PPARGC1A: variants seen among roughly 807,000 people sequenced by gnomAD.
PPARGC1A encodes the protein peroxisome proliferator-activated receptor gamma coactivator 1-alpha.
In PPARGC1A, 25 loss-of-function variants were observed where a neutral mutation model predicts 88.7. That is an observed-to-expected ratio of 0.28 (90% confidence interval 0.21 to 0.39). PPARGC1A has a LOEUF of 0.39. Among genes scored for constraint, PPARGC1A ranks in the 10% least tolerant of loss-of-function variants. The pLI, the probability that PPARGC1A is intolerant of heterozygous loss-of-function variation, is 1.00. For synonymous variants in PPARGC1A, 363 were observed against 355.6 expected (o/e 1.02, Z -0.24); for missense variants, 880 against 968.7 (o/e 0.91, Z 1.22).
the PPARGC1A span, among the ~76,000 whole-genome samples, chr4:24,265,247 C>G: frequency 1.0e-3 from 157 of 152,226 alleles, 1 homozygote; most frequent in Non-Finnish European, 2.1e-4. Context: ...TTTGTGCACA[C>G]CAAGAAAGCC....
the PPARGC1A span, among the ~76,000 whole-genome samples, chr4:23,961,465 G>T: frequency 6.6e-6 from 1 of 152,138 alleles, no homozygotes; most frequent in Non-Finnish European, 1.5e-5. Context: ...CATCGCCCCT[G>T]CTTCCCTGCA....
At chr4:24,304,610 G>C in the PPARGC1A span, among the ~76,000 whole-genome samples, 2 of 152,124 alleles carry the variant, frequency 1.3e-5, no homozygotes, top group African/African-American at 4.8e-5. Flanking sequence ...CTCTCCATCA[G>C]ACCTCCAAAT....
the PPARGC1A span, among the ~76,000 whole-genome samples, chr4:24,166,313 A>T: frequency 6.6e-6 from 1 of 152,260 alleles, no homozygotes; most frequent in South Asian, 2.1e-4. Context: ...TCCATAATGT[A>T]AGTGCAAAGT....
chr4:24,364,277 C>A, the PPARGC1A span, among the ~76,000 whole-genome samples: 1 of 152,142 alleles, frequency 6.6e-6, no homozygotes, highest in East Asian at 1.9e-4. Flanking sequence ...TTTCTGTGGG[C>A]AATTATGCCG....
chr4:23,966,567 T>G, the PPARGC1A span, among the ~76,000 whole-genome samples: 3 of 152,290 alleles, frequency 2.0e-5, no homozygotes, highest in Non-Finnish European at 4.4e-5. Context: ...CACTGATTAC[T>G]TTCTCACCCA....
the PPARGC1A span, among the ~76,000 whole-genome samples, chr4:24,201,688 A>G: frequency 1.3e-3 from 205 of 152,318 alleles, 2 homozygotes; most frequent in African/African-American, 4.1e-3. Flanking sequence ...TAGAAAAACA[A>G]AAGTACACAT....
intron 2 of PPARGC1A, among the ~76,000 whole-genome samples, chr4:23,856,300 T>C (rs181485447): frequency 1.3e-5 from 2 of 152,162 alleles, no homozygotes; most frequent in Admixed American, 6.5e-5. Context: ...TTTTTTGAGG[T>C]GTAGGCCACT....
intron 7 of PPARGC1A, among the ~76,000 whole-genome samples, chr4:23,818,672 A>AT (rs1722413052): frequency 6.6e-6 from 1 of 151,532 alleles, no homozygotes; most frequent in African/African-American, 2.4e-5. Flanking sequence ...CAGCCCTTTT[A>AT]TTTAAAAAAA....
At chr4:24,171,552 C>T in the PPARGC1A span, among the ~76,000 whole-genome samples, 63 of 152,190 alleles carry the variant, frequency 4.1e-4, no homozygotes, top group African/African-American at 1.2e-3. Context: ...CTCTAGAGAA[C>T]GGACTCCATG....
At chr4:23,943,594 G>T in the PPARGC1A span, among the ~76,000 whole-genome samples, 2 of 152,118 alleles carry the variant, frequency 1.3e-5, no homozygotes, top group Admixed American at 1.3e-4. Flanking sequence ...ATGTGGACAT[G>T]CAATCATGCT....
the PPARGC1A span, among the ~76,000 whole-genome samples, chr4:24,022,030 T>A: frequency 6.6e-6 from 1 of 151,556 alleles, no homozygotes; most frequent in Non-Finnish European, 1.5e-5. Flanking sequence ...AGGCGAGGAG[T>A]GGCCAGTGCT....
At chr4:24,011,858 G>A in the PPARGC1A span, among the ~76,000 whole-genome samples, 21 of 152,122 alleles carry the variant, frequency 1.4e-4, no homozygotes, top group Non-Finnish European at 3.1e-4. Context: ...GGAGGTTACT[G>A]GTTTATGAAG....
chr4:23,943,645 G>C, the PPARGC1A span, among the ~76,000 whole-genome samples: 1 of 152,158 alleles, frequency 6.6e-6, no homozygotes, highest in African/African-American at 2.4e-5. Flanking sequence ...CAACCCTTAA[G>C]TGTGAGCTGT....
chr4:24,399,395 C>T, the PPARGC1A span, among the ~76,000 whole-genome samples: 1 of 152,072 alleles, frequency 6.6e-6, no homozygotes, highest in Non-Finnish European at 1.5e-5. Flanking sequence ...TGAACCTATC[C>T]CTACACAATG....
chr4:24,135,745 C>A, the PPARGC1A span, among the ~76,000 whole-genome samples: 1 of 152,198 alleles, frequency 6.6e-6, no homozygotes, highest in East Asian at 1.9e-4. Flanking sequence ...AGAGCTGCTA[C>A]TGCTCCAGCA....
chr4:24,455,284 C>A, the PPARGC1A span, among the ~76,000 whole-genome samples: 1 of 152,102 alleles, frequency 6.6e-6, no homozygotes, highest in Non-Finnish European at 1.5e-5. Flanking sequence ...AGTTTGAGAC[C>A]AGCCTGGGCA....
chr4:24,282,525 G>C, the PPARGC1A span, among the ~76,000 whole-genome samples: 1 of 152,246 alleles, frequency 6.6e-6, no homozygotes, highest in African/African-American at 2.4e-5. Context: ...CTGTCCATCA[G>C]AACGTGTCAC....
At chr4:23,984,111 G>A in the PPARGC1A span, among the ~76,000 whole-genome samples, 2 of 151,938 alleles carry the variant, frequency 1.3e-5, no homozygotes, top group African/African-American at 4.8e-5. Flanking sequence ...AAGTTATTAT[G>A]AGCTCCGTTA....
chr4:24,438,128 A>C, the PPARGC1A span, among the ~76,000 whole-genome samples: 1 of 152,258 alleles, frequency 6.6e-6, no homozygotes, highest in African/African-American at 2.4e-5. Context: ...GAGAAAGATA[A>C]CCTGACTCAA....
Sources: gnomAD v4.1 joint callset for allele counts (sites outside exome capture counted in the v4.1 genomes callset) on GRCh38, gnomAD v4.1.1 for gene constraint, MANE v1.5 for transcripts, NCBI Gene and HGNC (gene_info 2026-07-23, HGNC 2026-07-21) for gene names.